CLVS1: variants seen among roughly 807,000 people sequenced by gnomAD.
CLVS1 encodes clavesin 1.
Under a neutral mutation model 33.1 loss-of-function variants are expected in CLVS1, and 10 were observed. The ratio of observed to expected loss-of-function variants is 0.30; its 90% CI spans 0.19 to 0.51. The LOEUF (loss-of-function observed/expected upper bound fraction) is 0.51. CLVS1 is among the 20% of genes least tolerant of loss of function. The pLI is 0.97. For synonymous variants in CLVS1, 163 were observed against 166.1 expected, an observed-to-expected ratio of 0.98 and a Z score of 0.14; for missense variants, 343 against 433.4, an observed-to-expected ratio of 0.79 and a Z score of 1.85.
In CLVS1 at chr8:61,466,452, A is replaced by G. The variant is rs73685056; in HGVS notation, c.977+7910A>G. Reference sequence around the variant, plus strand: ...AAGAAAGAGTGGCTTAGGGCTGGAAACCAACAGTCCTGCTACACACAGGCT... The same window carrying G: ...AAGAAAGAGTGGCTTAGGGCTGGAAGCCAACAGTCCTGCTACACACAGGCT... On this transcript the variant is annotated intron_variant, in intron 5 of 5. Coordinates refer to ENST00000325897, the MANE Select transcript of CLVS1 (RefSeq NM_173519.3). Among the ~76,000 whole-genome samples the G allele has an allele frequency of 7.7e-3, 1,175 of 152,150 alleles. 9 individuals carry two copies. Among genetic ancestry groups the G allele is most frequent in the African/African-American group, 0.027 (1,123 of 41,508 alleles).
chr8:61,008,650 G>A, the CLVS1 span, among the ~76,000 whole-genome samples: 5 of 152,094 alleles, frequency 3.3e-5, no homozygotes, highest in South Asian at 1.0e-3. Context: ...ACTTTTAAGA[G>A]GAGGAGAGTA....
chr8:61,191,993 C>A (rs1807494342), intron 2 of CLVS1, among the ~76,000 whole-genome samples: 1 of 152,146 alleles, frequency 6.6e-6, no homozygotes, highest in South Asian at 2.1e-4. Flanking sequence ...ATCAAGCTAC[C>A]AATAACTTTC....
chr8:61,495,992 A>G (rs1360651585), intron 5 of CLVS1, among the ~76,000 whole-genome samples: 15 of 152,200 alleles, frequency 9.9e-5, no homozygotes, highest in Non-Finnish European at 2.1e-4. Flanking sequence ...AGGAGAAAGA[A>G]TCAGAAATTG....
At chr8:61,132,735 G>A (rs1287537654) in intron 2 of CLVS1, among the ~76,000 whole-genome samples, 1 of 152,210 alleles carries the variant, frequency 6.6e-6, no homozygotes, top group African/African-American at 2.4e-5. Flanking sequence ...GCAGGGCCCA[G>A]TGAGCTGCAG....
intron 2 of CLVS1, among the ~76,000 whole-genome samples, chr8:61,244,824 T>C (rs1380814725): frequency 6.6e-6 from 1 of 152,166 alleles, no homozygotes; most frequent in African/African-American, 2.4e-5. Context: ...ATTTTAATCT[T>C]TTAAAATTTT....
the CLVS1 span, among the ~76,000 whole-genome samples, chr8:61,009,107 G>C: frequency 6.6e-6 from 1 of 151,740 alleles, no homozygotes; most frequent in South Asian, 2.1e-4. Flanking sequence ...CATACCATTA[G>C]TATAAGAGAG....
At chr8:61,239,192 C>T (rs1277796847) in intron 2 of CLVS1, among the ~76,000 whole-genome samples, 1 of 152,168 alleles carries the variant, frequency 6.6e-6, no homozygotes, top group Non-Finnish European at 1.5e-5. Context: ...GTTTAATCCC[C>T]TCTGTAATTT....
At chr8:61,481,702 G>A (rs1174534922) in intron 5 of CLVS1, among the ~76,000 whole-genome samples, 1 of 152,230 alleles carries the variant, frequency 6.6e-6, no homozygotes, top group Admixed American at 6.5e-5. Context: ...AGGCTGGGAA[G>A]CTCTAACTGG....
rs183717281 is a variant in CLVS1 at position 61,068,657 on chromosome 8, C to A, written c.-243+11427C>A. 5.5e-4 allele frequency among the ~76,000 whole-genome samples: 84 copies of A among 152,208 alleles called. 1 individual carries two copies. The highest frequency in any genetic ancestry group is 1.9e-3 in the African/African-American group (79 of 41,504). ...CATCAGTGTGCTTTCTGGTAATTTC[C>A]CAGTCTTCTACAATTTACCTACACC... is the stretch of plus-strand genomic sequence containing the variant. On this transcript the variant is annotated intron_variant, in intron 1 of 2. Transcript: ENST00000522621.
intron 1 of CLVS1, among the ~76,000 whole-genome samples, chr8:61,092,735 T>C (rs561741565): frequency 3.3e-5 from 5 of 152,366 alleles, no homozygotes; most frequent in African/African-American, 1.2e-4. Flanking sequence ...ATTACCTGAA[T>C]AATCCATGAT....
At chr8:61,289,643 T>C (rs528312471) in intron 1 of CLVS1, among the ~76,000 whole-genome samples, 1 of 152,314 alleles carries the variant, frequency 6.6e-6, no homozygotes, top group East Asian at 1.9e-4. Context: ...CAGAAAAGCT[T>C]GATTTTAAAA....
At chr8:61,036,539 A>G in the CLVS1 span, among the ~76,000 whole-genome samples, 1 of 152,198 alleles carries the variant, frequency 6.6e-6, no homozygotes, top group African/African-American at 2.4e-5. Flanking sequence ...TGACTTTTAA[A>G]TTTTAAGAAG....
intron 2 of CLVS1, among the ~76,000 whole-genome samples, chr8:61,331,520 G>T (rs1811588495): frequency 7.6e-6 from 1 of 131,036 alleles, no homozygotes; most frequent in African/African-American, 2.6e-5. Context: ...TCCTGGAATT[G>T]CCTTCCCAAT....
At chr8:61,044,928 G>T in the CLVS1 span, among the ~76,000 whole-genome samples, 2 of 152,170 alleles carry the variant, frequency 1.3e-5, no homozygotes, top group African/African-American at 4.8e-5. Flanking sequence ...GTGATCTTTG[G>T]ATTGCATGTA....
chr8:61,183,816 C>T (rs950676706), intron 2 of CLVS1, among the ~76,000 whole-genome samples: 11 of 152,198 alleles, frequency 7.2e-5, no homozygotes, highest in African/African-American at 2.7e-4. Flanking sequence ...AAGCCACTCA[C>T]AGCTATCTTT....
intron 3 of CLVS1, among the ~76,000 whole-genome samples, chr8:61,428,259 C>A (rs1815968302): frequency 6.6e-6 from 1 of 152,058 alleles, no homozygotes; most frequent in Non-Finnish European, 1.5e-5. Flanking sequence ...ATTTAGGATG[C>A]CCATTGATAA....
At chr8:61,147,746 A>C (rs1183171062) in intron 2 of CLVS1, among the ~76,000 whole-genome samples, 2 of 152,260 alleles carry the variant, frequency 1.3e-5, no homozygotes, top group African/African-American at 2.4e-5. Flanking sequence ...CTACCATAAA[A>C]GGAACTCAGC....
chr8:61,003,622 G>C, the CLVS1 span, among the ~76,000 whole-genome samples: 1 of 152,170 alleles, frequency 6.6e-6, no homozygotes, highest in African/African-American at 2.4e-5. Flanking sequence ...GAACTGGTCC[G>C]TCTTGTGCCC....
intron 5 of CLVS1, among the ~76,000 whole-genome samples, chr8:61,476,348 C>A (rs1464788121): frequency 1.3e-5 from 2 of 152,142 alleles, no homozygotes; most frequent in Non-Finnish European, 2.9e-5. Context: ...TCATTGGTAG[C>A]TTGATGGGGA....
Sources: allele counts gnomAD v4.1 joint callset (sites outside exome capture counted in the v4.1 genomes callset), GRCh38; gene constraint gnomAD v4.1.1; transcripts MANE v1.5; gene names NCBI Gene and HGNC (gene_info 2026-07-23, HGNC 2026-07-21).